Variants in SRRM1 observed in about 807,000 individuals in gnomAD.
SRRM1 encodes serine and arginine repetitive matrix 1, also known as serine/arginine repetitive matrix protein 1.
A neutral mutation model predicts 110.2 loss-of-function variants in SRRM1; 19 were observed. The observed-to-expected ratio is 0.17, with a 90% CI of 0.12 to 0.25. The LOEUF is 0.25. Among genes scored for constraint, SRRM1 ranks in the 10% least tolerant of loss-of-function variants. The pLI is 1.00. For synonymous variants in SRRM1, 443 were observed against 414.9 expected (o/e 1.07, Z -0.82); for missense variants, 918 against 1,145.8 (o/e 0.80, Z 2.87).
In SRRM1 at chr1:24,670,319, T is replaced by C. The variant is rs1333791957; in HGVS notation, c.2400+4T>C. On this transcript the variant is annotated splice_donor_region_variant and intron_variant, in intron 15 of 16. Coordinates refer to ENST00000323848, the MANE Select transcript of SRRM1 (RefSeq NM_005839.4). ...ACCGAGCCCATCACCGCCAAGAGTA[T>C]GTGTCTGCCTTATTTTGGACACCCT... 1.7e-5 allele frequency: 27 copies of C among 1,598,118 alleles called. No homozygotes were observed. The highest frequency in any genetic ancestry group is 2.1e-5 in the Non-Finnish European group (25 of 1,173,168).
intron 5 of SRRM1, among the ~76,000 whole-genome samples, 195 bp from the exon 6 acceptor site, chr1:24,651,214 C>T (rs1162768704): frequency 1.3e-5 from 2 of 152,118 alleles, no homozygotes; most frequent in Non-Finnish European, 2.9e-5. Context: ...CTGATATACT[C>T]GAGAATGTTA....
chr1:24,660,306 G>A (rs1666484283), intron 9 of SRRM1, among the ~76,000 whole-genome samples: 1 of 152,112 alleles, frequency 6.6e-6, no homozygotes, highest in Non-Finnish European at 1.5e-5. Flanking sequence ...TTAACTGTTG[G>A]TTTTCTTGGG....
chr1:24,657,500 T>C (rs1199944926), intron 9 of SRRM1, among the ~76,000 whole-genome samples: 1 of 152,224 alleles, frequency 6.6e-6, no homozygotes, highest in Non-Finnish European at 1.5e-5. Flanking sequence ...CTTTGCAGTT[T>C]CTGCTGCTTA....
intron 1 of SRRM1, 40 bp from the exon 2 acceptor site, chr1:24,645,944 A>T: frequency 6.4e-7 from 1 of 1,563,762 alleles, no homozygotes; most frequent in Non-Finnish European, 8.8e-7. Context: ...TAAGGATTTA[A>T]CTTTGAACCC....
intron 1 of SRRM1, 73 bp downstream of exon 1, chr1:24,643,420 G>C: frequency 3.7e-6 from 5 of 1,369,260 alleles, no homozygotes; most frequent in Non-Finnish European, 3.9e-6. Context: ...ACCTTAGCTT[G>C]GCACAGGGTG....
chr1:24,652,423 T>G lies in SRRM1; in HGVS notation c.726-11T>G. 1 of 1,526,164 alleles carries G rather than the reference T, an allele frequency of 6.6e-7. No homozygotes were observed. The highest frequency in any genetic ancestry group is 8.8e-7 in the Non-Finnish European group (1 of 1,141,032). The allele number at this position is 1,526,164 out of a possible 1,614,324, so 94.5% of individuals were successfully genotyped here. A position where few individuals can be genotyped will look rare whatever the true frequency, so the allele number is the denominator to read the frequency against. ...AGGCAAAAAAAAAAAAAAAAGCTTT[T>G]GTTTCCACAGTGACATTCTGAAAGT... On this transcript the variant is annotated splice_polypyrimidine_tract_variant and intron_variant, in intron 6 of 16. Coordinates refer to ENST00000323848, the MANE Select transcript of SRRM1 (RefSeq NM_005839.4).
intron 13 of SRRM1, among the ~76,000 whole-genome samples, chr1:24,667,926 C>A (rs1360861401): frequency 6.9e-6 from 1 of 144,448 alleles, no homozygotes; most frequent in Admixed American, 7.0e-5. Flanking sequence ...TGTCATTGCT[C>A]GGATATGTTG....
chr1:24,665,466 C>T (rs1175235974), intron 12 of SRRM1, among the ~76,000 whole-genome samples: 3 of 150,548 alleles, frequency 2.0e-5, no homozygotes, highest in African/African-American at 4.9e-5. Context: ...GTAATCCCAG[C>T]ACTTTGGGAG....
Position 24,670,172 on chromosome 1 carries a change from G to C in SRRM1, c.2257G>C (p.Val753Leu), listed in dbSNP as rs748090257. ...AAGAAGGGTCTCATCCTCCCGATCT[G>C]TCTCCGGGTCTCCTGAGCCAGCAGC... ...SVRRVSSSRS[V>L]SGSPEPAAKK... The change falls in exon 15 of 17, where the codon GTC (valine) becomes CTC (leucine). Residue 753 changes from valine to leucine, a missense_variant. Val to Leu is a conservative substitution (Grantham distance 32). This residue lies in a region of SRRM1 where 357 missense variants were observed against 402.9 expected (regional missense o/e 0.89). Transcript: ENST00000323848. 3.7e-6 allele frequency: 6 copies of C among 1,613,734 alleles called. No homozygotes were observed. Among genetic ancestry groups the C allele is most frequent in the African/African-American group, 2.7e-5 (2 of 74,832 alleles).
At chr1:24,656,145 A>G (rs1663974225) in intron 9 of SRRM1, among the ~76,000 whole-genome samples, 1 of 152,154 alleles carries the variant, frequency 6.6e-6, no homozygotes, top group Non-Finnish European at 1.5e-5. Flanking sequence ...TTCATTATAC[A>G]TTTTAATGAG....
chr1:24,647,776 C>T (rs577248729), intron 3 of SRRM1: 2 of 152,632 alleles, frequency 1.3e-5, no homozygotes, highest in African/African-American at 2.4e-5. Flanking sequence ...TTTAAGAATG[C>T]ACTTTCTATA....
intron 15 of SRRM1, among the ~76,000 whole-genome samples, chr1:24,670,604 G>A (rs1232435470): frequency 2.0e-5 from 3 of 152,082 alleles, no homozygotes; most frequent in East Asian, 3.9e-4. Context: ...TGATCCCTTC[G>A]CCTCAGCCTC....
chr1:24,660,207 G>A (rs1306674352), intron 9 of SRRM1, among the ~76,000 whole-genome samples: 1 of 152,060 alleles, frequency 6.6e-6, no homozygotes, highest in Non-Finnish European at 1.5e-5. Flanking sequence ...GGGTGTGGAG[G>A]GTGTGTATTT....
In SRRM1 at chr1:24,670,116, C is replaced by G; in HGVS notation, c.2205-4C>G. The G allele has an allele frequency of 2.6e-6, 4 of 1,556,198 alleles. No homozygotes were observed. Among genetic ancestry groups the G allele is most frequent in the Non-Finnish European group, 3.5e-6 (4 of 1,155,588 alleles). ...ATGCTGAATGTTTTTTCCTTTTTGT[C>G]TAGGGCTGCTTCCCCAAGCCCACAG... On this transcript the variant is annotated splice_region_variant and splice_polypyrimidine_tract_variant and intron_variant, in intron 14 of 16. Coordinates refer to ENST00000323848, the MANE Select transcript of SRRM1 (RefSeq NM_005839.4).
intron 16 of SRRM1, 23 bp downstream of exon 16, chr1:24,671,618 G>T (rs751176470): frequency 1.3e-6 from 2 of 1,554,144 alleles, no homozygotes; most frequent in South Asian, 2.4e-5. Context: ...TCTGTATATG[G>T]CTGTCTTGCA....
At chr1:24,652,753 A>G (rs769233718) in intron 7 of SRRM1, 125 bp downstream of exon 7, 4 of 1,292,152 alleles carry the variant, frequency 3.1e-6, no homozygotes, top group Non-Finnish European at 4.2e-6. Flanking sequence ...GAATGTACAC[A>G]GAGAATTTGA....
chr1:24,667,992 T>TTTTG (rs1250350634), intron 13 of SRRM1, among the ~76,000 whole-genome samples: 1 of 143,908 alleles, frequency 6.9e-6, no homozygotes, highest in African/African-American at 2.6e-5. Context: ...TTTTTTTTTT[T>TTTTG]GAGACAGTCT....
At chr1:24,661,034 C>T in intron 10 of SRRM1, 1 of 538,246 alleles carries the variant, frequency 1.9e-6, no homozygotes, top group Non-Finnish European at 3.3e-6. Flanking sequence ...GAAATAGGGA[C>T]AGTAGAGGTT....
At chr1:24,653,980 T>TG (rs1331787501) in intron 8 of SRRM1, among the ~76,000 whole-genome samples, 1 of 152,144 alleles carries the variant, frequency 6.6e-6, no homozygotes, top group Non-Finnish European at 1.5e-5. Context: ...AAATTTTCTT[T>TG]GGGGAGGGGT....
Sources: gnomAD v4.1 joint callset for allele counts (sites outside exome capture counted in the v4.1 genomes callset) on GRCh38, gnomAD v4.1.1 for gene constraint, gnomAD v4.1.1 regional missense constraint, MANE v1.5 for transcripts, NCBI Gene and HGNC (gene_info 2026-07-23, HGNC 2026-07-21) for gene names.